Variants in KIF22 observed in about 807,000 individuals in gnomAD.
KIF22 encodes the protein kinesin-like protein KIF22.
A neutral mutation model predicts 73.0 loss-of-function variants in KIF22; 62 were observed. That is an observed-to-expected ratio of 0.85 (90% CI 0.69 to 1.05). The LOEUF (loss-of-function observed/expected upper bound fraction) is 1.05. Among genes scored for constraint, KIF22 ranks in the 50% least tolerant of loss-of-function variants. The pLI is 0.00. For missense variants in KIF22, 854 were observed against 870.1 expected, an observed-to-expected ratio of 0.98 and a Z score of 0.23; for synonymous variants, 411 against 340.1, an observed-to-expected ratio of 1.21 and a Z score of -2.29.
intron 8 of KIF22, among the ~76,000 whole-genome samples, chr16:29,800,595 T>G (rs1278105713): frequency 6.6e-6 from 1 of 151,912 alleles, no homozygotes; most frequent in Non-Finnish European, 1.5e-5. Flanking sequence ...TGAAACCCCA[T>G]CTCTACTAAA....
Position 29,804,872 on chromosome 16 carries a change from A to G in KIF22, c.1736A>G (p.Gln579Arg). 6.2e-7 allele frequency: 1 copy of G among 1,613,884 alleles called. No homozygotes were observed. The highest frequency in any genetic ancestry group is 8.5e-7 in the Non-Finnish European group (1 of 1,179,954). The part of the protein sequence containing the change: ...EEKAEDCWEL[Q>R]ISPELLAHGR... ...AAGGCTGAGGACTGCTGGGAGCTAC[A>G]GATCAGCCCGGAGCTACTGGCTCAT... The change falls in exon 12 of 14, where the codon CAG becomes CGG. Residue 579 changes from glutamine (Q) to arginine (R), a missense_variant. Gln to Arg is a conservative substitution (Grantham distance 43). This residue lies in a region of KIF22 where 423 missense variants were observed against 365.4 expected (regional missense o/e 1.16). Transcript: ENST00000160827.
chr16:29,796,871 A>G, intron 1 of KIF22, 22 bp from the exon 2 acceptor site: 1 of 1,612,996 alleles, frequency 6.2e-7, no homozygotes, highest in Non-Finnish European at 8.5e-7. Context: ...TTCATGTCTA[A>G]AAGTGATCTT....
intron 1 of KIF22, among the ~76,000 whole-genome samples, chr16:29,794,368 T>C (rs1898897381): frequency 6.6e-6 from 1 of 152,172 alleles, no homozygotes; most frequent in Non-Finnish European, 1.5e-5. Flanking sequence ...ATCACCTTAA[T>C]TACTCTCCTA....
intron 1 of KIF22, among the ~76,000 whole-genome samples, chr16:29,792,690 TA>T (rs1422226709): frequency 6.6e-6 from 1 of 152,130 alleles, no homozygotes; most frequent in Admixed American, 6.6e-5. Flanking sequence ...TAAGAGGAGT[TA>T]AAATGTGTTT....
intron 11 of KIF22, 145 bp downstream of exon 11, chr16:29,804,210 G>C: frequency 1.4e-6 from 1 of 698,482 alleles, no homozygotes; most frequent in East Asian, 2.7e-5. Context: ...CTTACCCCTG[G>C]AATGTGGTGA....
At position 29,797,010 on chromosome 16, in the gene KIF22, C is replaced by G. The variant is rs777593519; in HGVS notation, c.188C>G (p.Pro63Arg). ...GATGGAACAGCGGGAGCAAGTGATC[C>G]CCCCTGTGTGCGGGGCATGGACAGC... is the stretch of plus-strand genomic sequence containing the variant. Reference protein sequence around the residue: ...FVDGTAGASDPPCVRGMDSCS... With the variant: ...FVDGTAGASDRPCVRGMDSCS... Residue 63 changes from proline (P) to arginine (R), a missense_variant, in exon 2 of 14, where the codon CCC becomes CGC. Transcript: ENST00000160827. This position sits in a 1 kb window ranked among gnomAD's most constrained non-coding sequence, Gnocchi z 4.1. 6.2e-7 allele frequency: 1 copy of G among 1,613,890 alleles called. No individual in the cohort carries two copies. The highest frequency in any genetic ancestry group is 8.5e-7 in the Non-Finnish European group (1 of 1,179,894).
rs769750726 is a variant in KIF22 at position 29,790,752 on chromosome 16, GGA to G, written c.-6_-5del. 6.3e-7 allele frequency: 1 copy of G among 1,591,084 alleles called. No individual in the cohort carries two copies. ...GAATGGGAGAGGCGGGCCCAAGGAGGGAGTGGAATGGCCGCGGGCGGCTCGAC... is the reference window on the plus strand; with the variant it reads ...GAATGGGAGAGGCGGGCCCAAGGAGGGTGGAATGGCCGCGGGCGGCTCGAC... On this transcript the variant is annotated 5_prime_UTR_variant, in exon 1 of 14. Transcript: ENST00000160827.
chr16:29,792,822 C>A (rs1167369250), intron 1 of KIF22, among the ~76,000 whole-genome samples: 3 of 152,068 alleles, frequency 2.0e-5, no homozygotes, highest in African/African-American at 7.2e-5. Flanking sequence ...GAAGGAAATT[C>A]ATCATGACTG....
rs1270173145 is a variant in KIF22 at position 29,798,048 on chromosome 16, C to T, written c.267-326C>T. 6.6e-6 allele frequency among the ~76,000 whole-genome samples: 1 copy of T among 152,186 alleles called. No individual in the cohort carries two copies. Among genetic ancestry groups the T allele is most frequent in the Non-Finnish European group, 1.5e-5 (1 of 68,040 alleles). On this transcript the variant is annotated intron_variant, in intron 2 of 13. Coordinates refer to ENST00000160827, the MANE Select transcript of KIF22 (RefSeq NM_007317.3). The surrounding 1 kb of genome is among the most constrained non-coding windows in gnomAD (Gnocchi z 4.1). Reference sequence around the variant, plus strand: ...TTCCTTCCTTGAGCAGAATCAGTTACTCCTTTGAGAGTGTGTTCTTATCTT... The same window carrying T: ...TTCCTTCCTTGAGCAGAATCAGTTATTCCTTTGAGAGTGTGTTCTTATCTT...
At chr16:29,801,446 CCA>C (rs1390048177) in intron 8 of KIF22, among the ~76,000 whole-genome samples, 1 of 152,202 alleles carries the variant, frequency 6.6e-6, no homozygotes, top group Non-Finnish European at 1.5e-5. Context: ...AAGGAAGATG[CCA>C]CACACAAGAA....
Position 29,805,349 on chromosome 16 carries a change from A to G in KIF22, c.*39A>G, listed in dbSNP as rs781543415. ...ACTCCGCCTTTTCAAATTTTTGTAT[A>G]ACCCCGTGTTGTGTAAATACAGTTT... On this transcript the variant is annotated 3_prime_UTR_variant, in exon 14 of 14. Coordinates refer to ENST00000160827, the MANE Select transcript of KIF22 (RefSeq NM_007317.3). 2 of 1,598,406 alleles carry G rather than the reference A, an allele frequency of 1.3e-6. No individual in the cohort carries two copies. The highest frequency in any genetic ancestry group is 1.7e-6 in the Non-Finnish European group (2 of 1,171,536).
At position 29,805,013 on chromosome 16, in the gene KIF22, GCC is replaced by G. The variant is rs1263145036; in HGVS notation, c.1880_1881del (p.Pro627LeufsTer?). ...ATCGTGGGCTGGCGGGAGCTCCACG[GCC>G]CCTTCAGCCAGGTAGCAGCCCACTG... On this transcript the variant is annotated frameshift_variant, in exon 12 of 14. Coordinates refer to ENST00000160827, the MANE Select transcript of KIF22 (RefSeq NM_007317.3). LOFTEE classifies it high-confidence loss of function. The G allele has an allele frequency of 7.6e-7, 1 of 1,315,168 alleles. No homozygotes were observed. Among genetic ancestry groups the G allele is most frequent in the Admixed American group, 1.9e-5 (1 of 52,680 alleles). The allele number at this position is 1,315,168 out of a possible 1,614,324, so 81.5% of individuals were successfully genotyped here.
chr16:29,804,575 G>A, intron 11 of KIF22: 4 of 687,542 alleles, frequency 5.8e-6, no homozygotes. Context: ...GATCTCCACA[G>A]CAACTCCATG....
intron 1 of KIF22, among the ~76,000 whole-genome samples, chr16:29,794,735 C>T (rs868319123): frequency 3.9e-5 from 6 of 152,144 alleles, no homozygotes; most frequent in Admixed American, 3.3e-4. Context: ...GCGTCCACCA[C>T]CATACCTGAC....
chr16:29,792,493 G>A (rs1019004564), intron 1 of KIF22: 83 of 729,076 alleles, frequency 1.1e-4, no homozygotes, highest in Admixed American at 2.5e-4. Flanking sequence ...CCTACTCTGC[G>A]CCAGGTGTTG....
At chr16:29,799,516 G>A (rs1899058751) in intron 6 of KIF22, 22 bp downstream of exon 6, 2 of 1,613,388 alleles carry the variant, frequency 1.2e-6, no homozygotes, top group Non-Finnish European at 1.7e-6. Flanking sequence ...CTGTCTCAGG[G>A]AAGAAGGGGC....
At chr16:29,801,148 A>G (rs1291266543) in intron 8 of KIF22, among the ~76,000 whole-genome samples, 1 of 152,108 alleles carries the variant, frequency 6.6e-6, no homozygotes, top group African/African-American at 2.4e-5. Flanking sequence ...ATCCAGATAA[A>G]GCCTCTAAAC....
At chr16:29,804,728 T>A in intron 11 of KIF22, 86 bp from the exon 12 acceptor site, 1 of 1,044,332 alleles carries the variant, frequency 9.6e-7, no homozygotes, top group East Asian at 2.6e-5. Flanking sequence ...GCGCAGGAGG[T>A]AGCTGGTGCT....
At chr16:29,800,701 A>G (rs978978498) in intron 8 of KIF22, among the ~76,000 whole-genome samples, 5 of 152,092 alleles carry the variant, frequency 3.3e-5, no homozygotes, top group African/African-American at 1.2e-4. Flanking sequence ...GGGAGGTGAA[A>G]GTTGCAGTGA....
Sources: gnomAD v4.1 joint callset for allele counts (sites outside exome capture counted in the v4.1 genomes callset) on GRCh38, gnomAD v4.1.1 for gene constraint, gnomAD v4.1.1 regional missense constraint, Gnocchi (gnomAD v3.1) non-coding constraint, MANE v1.5 for transcripts, NCBI Gene and HGNC (gene_info 2026-07-23, HGNC 2026-07-21) for gene names.